Variants in SUSD1 observed in about 807,000 individuals in gnomAD.
SUSD1 encodes the protein sushi domain containing 1.
A neutral mutation model predicts 86.9 loss-of-function variants in SUSD1; 65 were observed. The ratio of observed to expected loss-of-function variants is 0.75; its 90% CI spans 0.61 to 0.92. The LOEUF is 0.92. SUSD1 is among the 40% of genes least tolerant of loss of function. The pLI is 0.00. For synonymous variants in SUSD1, 346 were observed against 350.0 expected, an observed-to-expected ratio of 0.99 and a Z score of 0.13; for missense variants, 850 against 929.7, an observed-to-expected ratio of 0.91 and a Z score of 1.11.
At position 112,092,633 on chromosome 9, in the gene SUSD1, C is replaced by T. The variant is rs77286251; in HGVS notation, c.1474+5837G>A. 2.6e-3 allele frequency among the ~76,000 whole-genome samples: 397 copies of T among 152,208 alleles called. 1 individual carries two copies. Among genetic ancestry groups the T allele is most frequent in the African/African-American group, 9.2e-3 (383 of 41,528 alleles). The stretch of plus-strand genomic sequence containing the variant: ...TGTTTTCTTTCTTCTTTAGCCTAGA[C>T]GTCTAACCTATTATCGTTTATTTTA... On this transcript the variant is annotated intron_variant, in intron 10 of 16. Transcript: ENST00000374270.
chr9:112,108,647 GCACGCCTGTAGTCC>G lies in SUSD1; in HGVS notation c.1171+2993_1171+3006del, dbSNP rs372096430. ...ACAAAAATTTGCCAGGCATAGTGGT[GCACGCCTGTAGTCC>G]CAGCTACTTGGGAGGCTGAGGTGGG... On this transcript the variant is annotated intron_variant, in intron 8 of 16. Transcript: ENST00000374270. 5.8e-3 allele frequency among the ~76,000 whole-genome samples: 875 copies of G among 151,808 alleles called. 9 individuals carry two copies. The highest frequency in any genetic ancestry group is 0.02 in the African/African-American group (829 of 41,370).
At chr9:112,141,213 G>A (rs536272862) in intron 5 of SUSD1, among the ~76,000 whole-genome samples, 17 of 152,322 alleles carry the variant, frequency 1.1e-4, no homozygotes, top group African/African-American at 2.2e-4. Context: ...CCACAAACAC[G>A]TGAGTGTGAT....
At chr9:112,074,335 C>T (rs1829418048) in intron 12 of SUSD1, among the ~76,000 whole-genome samples, 1 of 152,174 alleles carries the variant, frequency 6.6e-6, no homozygotes, top group South Asian at 2.1e-4. Flanking sequence ...GGGATGCGTG[C>T]CGTGGGGCTA....
chr9:112,122,627 G>A (rs2131682140), intron 6 of SUSD1, among the ~76,000 whole-genome samples: 1 of 152,132 alleles, frequency 6.6e-6, no homozygotes, highest in Non-Finnish European at 1.5e-5. Flanking sequence ...TTCCACTTCT[G>A]GATATATATC....
chr9:112,166,446 G>C (rs1163122284), intron 1 of SUSD1, among the ~76,000 whole-genome samples: 1 of 152,222 alleles, frequency 6.6e-6, no homozygotes, highest in Non-Finnish European at 1.5e-5. Context: ...CAGGGCCTGA[G>C]AATCTGCATT....
At chr9:112,149,822 A>G (rs1350086827) in intron 2 of SUSD1, among the ~76,000 whole-genome samples, 2 of 152,130 alleles carry the variant, frequency 1.3e-5, no homozygotes, top group African/African-American at 4.8e-5. Context: ...TAACTGGAAA[A>G]TTTCTTCCTT....
At chr9:112,107,728 G>A (rs1830913169) in intron 8 of SUSD1, among the ~76,000 whole-genome samples, 1 of 152,086 alleles carries the variant, frequency 6.6e-6, no homozygotes, top group Admixed American at 6.6e-5. Context: ...GTATTAAACA[G>A]GCTAAAATAA....
intron 10 of SUSD1, among the ~76,000 whole-genome samples, chr9:112,080,940 G>A (rs184699979): frequency 6.6e-6 from 1 of 152,120 alleles, no homozygotes; most frequent in African/African-American, 2.4e-5. Flanking sequence ...AGGAGGTGGC[G>A]GGATTCTCTT....
At chr9:112,171,770 C>A (rs1450831948) in intron 1 of SUSD1, among the ~76,000 whole-genome samples, 1 of 151,868 alleles carries the variant, frequency 6.6e-6, no homozygotes, top group Admixed American at 6.6e-5. Context: ...TTCATTTTTC[C>A]CCTCTCTACT....
chr9:112,127,326 T>C (rs1485319143), intron 5 of SUSD1, among the ~76,000 whole-genome samples: 2 of 152,100 alleles, frequency 1.3e-5, no homozygotes, highest in Non-Finnish European at 2.9e-5. Context: ...TGAGCTGAGA[T>C]TGTGCTACTG....
intron 15 of SUSD1, among the ~76,000 whole-genome samples, chr9:112,050,639 G>A (rs1828149578): frequency 6.6e-6 from 1 of 152,130 alleles, no homozygotes. Context: ...CTGATACTGT[G>A]GGCTAAGGGC....
chr9:112,113,581 G>A lies in SUSD1; in HGVS notation c.887-713C>T, dbSNP rs1343920729. On this transcript the variant is annotated intron_variant, in intron 6 of 16. Coordinates refer to ENST00000374270, the MANE Select transcript of SUSD1 (RefSeq NM_022486.5). The surrounding 1 kb of genome is among the most constrained non-coding windows in gnomAD (Gnocchi z 4.1). ...AGTTTTCAGCATTCCCAGTCAACCCGCAAGTGGTTGTGCAGACAGGAAGAA... is the reference window on the plus strand; with the variant it reads ...AGTTTTCAGCATTCCCAGTCAACCCACAAGTGGTTGTGCAGACAGGAAGAA... Among the ~76,000 whole-genome samples, 1 of 152,172 alleles carries A rather than the reference G, an allele frequency of 6.6e-6. No homozygotes were observed.
At chr9:112,151,305 T>C (rs140506349) in intron 2 of SUSD1, among the ~76,000 whole-genome samples, 50 of 152,298 alleles carry the variant, frequency 3.3e-4, no homozygotes, top group African/African-American at 1.1e-3. Context: ...TTTATAAAAG[T>C]ATCTTTCTTG....
intron 6 of SUSD1, among the ~76,000 whole-genome samples, chr9:112,116,489 A>G (rs910555411): frequency 2.0e-5 from 3 of 152,244 alleles, no homozygotes; most frequent in African/African-American, 7.2e-5. Flanking sequence ...ACATTTCTGG[A>G]AGTCCTCTTT....
chr9:112,084,966 C>A (rs1276337020), intron 10 of SUSD1, among the ~76,000 whole-genome samples: 3 of 152,194 alleles, frequency 2.0e-5, no homozygotes, highest in Admixed American at 2.0e-4. Flanking sequence ...TTCCTCTCTG[C>A]TCCTGTGGTA....
Position 112,149,310 on chromosome 9 carries a change from G to A in SUSD1, c.307C>T (p.Leu103=), listed in dbSNP as rs765651232. ...NTPGGFYCIC[L]EGYRATNNNK... is the part of the protein sequence containing the mutation. ...TTGTTTGTGGCTCGATATCCTTCCAGGCAAATGCAATAGAAGCCCCCGGGG... is the reference window on the plus strand; with the variant it reads ...TTGTTTGTGGCTCGATATCCTTCCAAGCAAATGCAATAGAAGCCCCCGGGG... The change falls in exon 3 of 17, where the codon CTG becomes TTG. Residue 103 remains leucine, a synonymous_variant. Coordinates refer to ENST00000374270, the MANE Select transcript of SUSD1 (RefSeq NM_022486.5). 1.2e-6 allele frequency: 2 copies of A among 1,613,980 alleles called. No homozygotes were observed. Among genetic ancestry groups the A allele is most frequent in the East Asian group, 4.5e-5 (2 of 44,886 alleles).
chr9:112,165,840 A>AATAAAG (rs1833763147), intron 1 of SUSD1, among the ~76,000 whole-genome samples: 1 of 141,124 alleles, frequency 7.1e-6, no homozygotes, highest in Non-Finnish European at 1.6e-5. Context: ...AAGAGAAAGA[A>AATAAAG]AGAAAGAGAA....
At chr9:112,052,485 G>A in intron 14 of SUSD1, 47 bp from the exon 15 acceptor site, 1 of 1,608,888 alleles carries the variant, frequency 6.2e-7, no homozygotes, top group South Asian at 1.1e-5. Flanking sequence ...GGCACACAGT[G>A]TCAGTTTAAA....
chr9:112,115,812 A>AAAAAGAAAAAAG lies in SUSD1; in HGVS notation c.887-2945_887-2944insCTTTTTTCTTTT, dbSNP rs1352810344. Among the ~76,000 whole-genome samples, 43 of 42,496 alleles carry AAAAAGAAAAAAG rather than the reference A, an allele frequency of 1.0e-3. 1 individual carries two copies. The highest frequency in any genetic ancestry group is 4.8e-3 in the African/African-American group (40 of 8,294). 27.9% of individuals were successfully genotyped at this position (42,496 alleles called of 152,430 possible). Reference sequence around the variant, plus strand: ...CGGCAGAATGAGACTCCATTGCAAAAAAAAAAAAAAAGAAAAAAAAAAGAA... The same window carrying AAAAAGAAAAAAG: ...CGGCAGAATGAGACTCCATTGCAAAAAAAAGAAAAAAGAAAAAAAAAAAGAAAAAAAAAAGAA... On this transcript the variant is annotated intron_variant, in intron 6 of 16. Coordinates refer to ENST00000374270, the MANE Select transcript of SUSD1 (RefSeq NM_022486.5).
Sources: gnomAD v4.1 joint callset for allele counts (sites outside exome capture counted in the v4.1 genomes callset) on GRCh38, gnomAD v4.1.1 for gene constraint, Gnocchi (gnomAD v3.1) non-coding constraint, MANE v1.5 for transcripts, NCBI Gene and HGNC (gene_info 2026-07-23, HGNC 2026-07-21) for gene names.